Variants in SGIP1 observed in about 807,000 individuals in gnomAD.
SGIP1 encodes the protein SH3GL interacting endocytic adaptor 1, also known as SH3-containing GRB2-like protein 3-interacting protein 1.
Under a neutral mutation model 107.5 loss-of-function variants are expected in SGIP1, and 38 were observed. That is an observed-to-expected ratio of 0.35 (90% CI 0.27 to 0.46). The LOEUF is 0.46. Among genes scored for constraint, SGIP1 ranks in the 20% least tolerant of loss-of-function variants. The pLI is 1.00. For synonymous variants in SGIP1, 365 were observed against 366.1 expected (o/e 1.00, Z 0.03); for missense variants, 929 against 1,019.5 (o/e 0.91, Z 1.21).
At chr1:66,631,655 CTCTCTCTCTCTT>C (rs2074712955) in intron 2 of SGIP1, among the ~76,000 whole-genome samples, 1 of 149,870 alleles carries the variant, frequency 6.7e-6, no homozygotes, top group South Asian at 2.1e-4. Flanking sequence ...CTGCATTGCT[CTCTCTCTCTCTT>C]TCTCTCTCTC....
chr1:66,592,766 G>A (rs1444393536), intron 1 of SGIP1, among the ~76,000 whole-genome samples: 1 of 151,800 alleles, frequency 6.6e-6, no homozygotes, highest in Non-Finnish European at 1.5e-5. Context: ...CCCTACCCCT[G>A]GAACTACTAA....
chr1:66,577,845 C>T lies in SGIP1; in HGVS notation c.10+43477C>T, dbSNP rs1018918428. Among the ~76,000 whole-genome samples, 8 of 151,072 alleles carry T rather than the reference C, an allele frequency of 5.3e-5. No homozygotes were observed. The Admixed American group carries it at 5.3e-4, about 10-fold the overall frequency. ...AGGAGGAGGAATAGGACAATGACAG[C>T]AGGCTCAACCATAGGTTACATTTTG... On this transcript the variant is annotated intron_variant, in intron 1 of 24. Coordinates refer to ENST00000371037, the MANE Select transcript of SGIP1 (RefSeq NM_032291.4).
intron 18 of SGIP1, among the ~76,000 whole-genome samples, chr1:66,718,834 A>G (rs1026500149): frequency 6.6e-6 from 1 of 151,402 alleles, no homozygotes; most frequent in Non-Finnish European, 1.5e-5. Context: ...AATAATCCAG[A>G]AAAAAAAAGT....
At chr1:66,620,151 G>C (rs955304523) in intron 1 of SGIP1, among the ~76,000 whole-genome samples, 10 of 152,064 alleles carry the variant, frequency 6.6e-5, no homozygotes, top group Non-Finnish European at 1.2e-4. Context: ...TTTTTCTGCT[G>C]TACTGTTTCT....
At chr1:66,692,854 C>G (rs1051192543) in intron 17 of SGIP1, among the ~76,000 whole-genome samples, 2 of 152,170 alleles carry the variant, frequency 1.3e-5, no homozygotes, top group Non-Finnish European at 2.9e-5. Context: ...TATGAAATCT[C>G]TCATGACAGC....
At chr1:66,682,616 G>C (rs2087014663) in intron 15 of SGIP1, among the ~76,000 whole-genome samples, 1 of 152,108 alleles carries the variant, frequency 6.6e-6, no homozygotes, top group South Asian at 2.1e-4. Flanking sequence ...CCACGCTGCA[G>C]TTAAGAGGTC....
intron 3 of SGIP1, among the ~76,000 whole-genome samples, chr1:66,634,540 C>A (rs190595871): frequency 6.6e-6 from 1 of 152,262 alleles, no homozygotes; most frequent in African/African-American, 2.4e-5. Context: ...ACGCATCCCC[C>A]CAGGGCAGGG....
In SGIP1 at chr1:66,684,165, C is replaced by T. The variant is rs978892761; in HGVS notation, c.1315+1796C>T. 5 of 1,550,460 alleles carry T rather than the reference C, an allele frequency of 3.2e-6. No homozygotes were observed. The African/African-American group carries it at 6.8e-5, about 21-fold the overall frequency. ...TTTGCCCAAGTTTACAAGCTGGAGGCAATGAACTGGATTCATACTCAGGTC... is the reference window on the plus strand; with the variant it reads ...TTTGCCCAAGTTTACAAGCTGGAGGTAATGAACTGGATTCATACTCAGGTC... On this transcript the variant is annotated intron_variant, in intron 15 of 24. Transcript: ENST00000371037.
intron 1 of SGIP1, among the ~76,000 whole-genome samples, chr1:66,551,368 C>T (rs1223664279): frequency 6.6e-6 from 1 of 152,114 alleles, no homozygotes; most frequent in East Asian, 1.9e-4. Flanking sequence ...CTATTGGGCG[C>T]ATCTCCTACT....
chr1:66,585,580 G>C (rs1397220456), intron 1 of SGIP1, among the ~76,000 whole-genome samples: 1 of 151,978 alleles, frequency 6.6e-6, no homozygotes, highest in African/African-American at 2.4e-5. Flanking sequence ...TTGTGTGTGT[G>C]TGTGTGTGTG....
At chr1:66,598,079 T>C (rs1295710742) in intron 1 of SGIP1, among the ~76,000 whole-genome samples, 1 of 152,168 alleles carries the variant, frequency 6.6e-6, no homozygotes, top group East Asian at 1.9e-4. Flanking sequence ...TGTCCCTTTT[T>C]CCAACAATTA....
intron 20 of SGIP1, among the ~76,000 whole-genome samples, chr1:66,731,942 T>C (rs933724594): frequency 6.6e-6 from 1 of 152,210 alleles, no homozygotes; most frequent in Non-Finnish European, 1.5e-5. Flanking sequence ...AACTCAAGTA[T>C]GAGACTGAAG....
intron 12 of SGIP1, among the ~76,000 whole-genome samples, chr1:66,673,637 C>G (rs112853012): frequency 6.6e-6 from 1 of 152,164 alleles, no homozygotes; most frequent in African/African-American, 2.4e-5. Flanking sequence ...CAAGTCTACA[C>G]AAATCCCGGT....
intron 1 of SGIP1, among the ~76,000 whole-genome samples, chr1:66,624,528 A>G (rs1183111663): frequency 6.6e-6 from 1 of 152,216 alleles, no homozygotes; most frequent in Non-Finnish European, 1.5e-5. Flanking sequence ...AAAATTAGAC[A>G]GAACAGAGAC....
intron 2 of SGIP1, among the ~76,000 whole-genome samples, chr1:66,631,068 A>AAAGG (rs2074499782): frequency 7.2e-6 from 1 of 138,880 alleles, no homozygotes; most frequent in African/African-American, 2.5e-5. Context: ...AGAAAGAAAG[A>AAAGG]AAGAAAGAAA....
At chr1:66,740,558 C>T (rs1345733048) in intron 22 of SGIP1, 100 bp from the exon 23 acceptor site, 4 of 725,024 alleles carry the variant, frequency 5.5e-6, no homozygotes, top group Non-Finnish European at 7.1e-6. Flanking sequence ...AGTTTTCAAG[C>T]TCTATTTTAA....
At chr1:66,681,537 C>T (rs1011085029) in intron 14 of SGIP1, among the ~76,000 whole-genome samples, 2 of 152,178 alleles carry the variant, frequency 1.3e-5, no homozygotes, top group Non-Finnish European at 2.9e-5. Context: ...TCTAATACTG[C>T]CTTCTCAAAA....
At position 66,592,427 on chromosome 1, in the gene SGIP1, G is replaced by C. The variant is rs139835413; in HGVS notation, c.11-33420G>C. ...CTCTGAGGGCACAGGGTTGGGGCTA[G>C]GGTTACAAATTAACAGCATCTCAAG... On this transcript the variant is annotated intron_variant, in intron 1 of 24. Coordinates refer to ENST00000371037, the MANE Select transcript of SGIP1 (RefSeq NM_032291.4). Among the ~76,000 whole-genome samples the C allele has an allele frequency of 1.2e-3, 176 of 152,306 alleles. 1 individual carries two copies. In the East Asian group the frequency reaches 0.032, roughly 28 times the overall value.
In SGIP1 at chr1:66,612,284, A is replaced by T. The variant is rs1035992209; in HGVS notation, c.11-13563A>T. ...AATGACACCAAATCATTCATGAGGG[A>T]TCCTCACCCATGACCCAAACACTTT... On this transcript the variant is annotated intron_variant, in intron 1 of 24. Transcript: ENST00000371037. Among the ~76,000 whole-genome samples the T allele has an allele frequency of 3.9e-5, 6 of 152,224 alleles. No individual in the cohort carries two copies. In the East Asian group the frequency reaches 9.6e-4, roughly 24 times the overall value.
Sources: gnomAD v4.1 joint callset for allele counts (sites outside exome capture counted in the v4.1 genomes callset) on GRCh38, gnomAD v4.1.1 for gene constraint, MANE v1.5 for transcripts, NCBI Gene and HGNC (gene_info 2026-07-23, HGNC 2026-07-21) for gene names.